TULP4: variants seen among roughly 807,000 people sequenced by gnomAD.
TULP4 encodes TUB like protein 4, also known as tubby-related protein 4.
TULP4 carries 16 observed loss-of-function variants against 129.0 expected under a neutral mutation model. The observed-to-expected ratio is 0.12, with a 90% CI of 0.08 to 0.19. TULP4 has a LOEUF of 0.19. TULP4 is among the 10% of genes least tolerant of loss of function. TULP4 has a pLI of 1.00. For synonymous variants in TULP4, 998 were observed against 854.0 expected, an observed-to-expected ratio of 1.17 and a Z score of -2.94; for missense variants, 1,842 against 2,059.1, an observed-to-expected ratio of 0.89 and a Z score of 2.04.
At chr6:158,321,542 C>T (rs1539311) in intron 1 of TULP4, among the ~76,000 whole-genome samples, 130,937 of 152,082 alleles carry the variant, frequency 0.86, 56,801 homozygotes, top group South Asian at 0.93. Context: ...CCCCCCGCCC[C>T]TTGAACCTCA....
intron 3 of TULP4, among the ~76,000 whole-genome samples, chr6:158,439,923 G>A (rs1778847899): frequency 6.6e-6 from 1 of 151,462 alleles, no homozygotes; most frequent in South Asian, 2.1e-4. Context: ...GTGTTAGCCA[G>A]GATGGTCTCG....
intron 1 of TULP4, among the ~76,000 whole-genome samples, chr6:158,407,644 A>T (rs1777999832): frequency 6.6e-6 from 1 of 152,248 alleles, no homozygotes; most frequent in Admixed American, 6.5e-5. Context: ...ATGGAATGTT[A>T]CTGGGCTATA....
Position 158,301,690 on chromosome 6 carries a change from C to T in TULP4, n.117-10361C>T, listed in dbSNP as rs183246119. The stretch of plus-strand genomic sequence containing the variant: ...AGCCCAGTAGGGGAGTGCAATGAAG[C>T]GAAAACCAGAAGCTGAAAAGGCTGA... On this transcript the variant is annotated intron_variant and non_coding_transcript_variant, in intron 1 of 1. Coordinates refer to the TULP4 transcript ENST00000432358. Among the ~76,000 whole-genome samples, 37 of 152,190 alleles carry T rather than the reference C, an allele frequency of 2.4e-4. 1 individual carries two copies. Among genetic ancestry groups the T allele is most frequent in the Admixed American group, 8.5e-4 (13 of 15,290 alleles).
At chr6:158,323,426 T>G (rs1330678456) in intron 1 of TULP4, among the ~76,000 whole-genome samples, 1 of 152,240 alleles carries the variant, frequency 6.6e-6, no homozygotes, top group Non-Finnish European at 1.5e-5. Flanking sequence ...GTTCATGACC[T>G]GAGTTAGAGA....
intron 3 of TULP4, among the ~76,000 whole-genome samples, chr6:158,444,246 AT>A (rs1554291963): frequency 1.1e-3 from 93 of 86,754 alleles, no homozygotes; most frequent in African/African-American, 1.8e-3. Context: ...AAAAAAAAAA[AT>A]TTTTTTTTTT....
At chr6:158,471,186 C>A (rs910329594) in intron 6 of TULP4, among the ~76,000 whole-genome samples, 15 of 149,458 alleles carry the variant, frequency 1.0e-4, no homozygotes, top group African/African-American at 3.3e-4. Context: ...CACACACACA[C>A]TACAGGACAA....
In TULP4 at chr6:158,502,527, C is replaced by G; in HGVS notation, c.2864C>G (p.Thr955Ser). The G allele has an allele frequency of 6.2e-7, 1 of 1,611,360 alleles. No homozygotes were observed. The highest frequency in any genetic ancestry group is 8.5e-7 in the Non-Finnish European group (1 of 1,179,924). Reference protein sequence around the residue: ...RLTVPRYSIPTGDPPPYPEIA... With the variant: ...RLTVPRYSIPSGDPPPYPEIA... The stretch of plus-strand genomic sequence containing the variant: ...ACCGTCCCTCGCTACTCCATCCCCA[C>G]CGGGGACCCACCCCCGTATCCTGAA... The change falls in exon 13 of 14, where the codon ACC becomes AGC. Residue 955 changes from threonine (T) to serine (S), a missense_variant. Coordinates refer to ENST00000367097, the MANE Select transcript of TULP4 (RefSeq NM_020245.5).
At chr6:158,448,737 T>C (rs559880705) in intron 3 of TULP4, among the ~76,000 whole-genome samples, 1 of 152,318 alleles carries the variant, frequency 6.6e-6, no homozygotes, top group South Asian at 2.1e-4. Context: ...ATTTTGCTGG[T>C]ATTATTTGAA....
chr6:158,376,435 C>G (rs1216434607), intron 1 of TULP4, among the ~76,000 whole-genome samples: 2 of 152,160 alleles, frequency 1.3e-5, no homozygotes, highest in East Asian at 3.8e-4. Flanking sequence ...ATCCCCGGCT[C>G]CAAAGGCATA....
At chr6:158,446,698 T>G (rs1417787627) in intron 3 of TULP4, among the ~76,000 whole-genome samples, 2 of 151,934 alleles carry the variant, frequency 1.3e-5, no homozygotes, top group African/African-American at 4.8e-5. Context: ...AGACATTGAG[T>G]TCTCACAATT....
At chr6:158,336,305 A>G (rs191462298) in intron 1 of TULP4, among the ~76,000 whole-genome samples, 182 of 152,302 alleles carry the variant, frequency 1.2e-3, no homozygotes, top group African/African-American at 4.3e-3. Flanking sequence ...TAAAATGTCT[A>G]TGTATATTGG....
intron 1 of TULP4, among the ~76,000 whole-genome samples, chr6:158,314,945 A>C (rs1313965712): frequency 6.6e-6 from 1 of 152,206 alleles, no homozygotes; most frequent in East Asian, 1.9e-4. Context: ...GCAATACTTA[A>C]GTGTTAGGCA....
At chr6:158,338,116 A>G (rs1202897319) in intron 1 of TULP4, among the ~76,000 whole-genome samples, 1 of 152,164 alleles carries the variant, frequency 6.6e-6, no homozygotes, top group African/African-American at 2.4e-5. Flanking sequence ...TGATGGAAGC[A>G]TTTCCATACA....
At chr6:158,233,474 G>A (rs546083303) in intron 1 of TULP4, among the ~76,000 whole-genome samples, 14 of 152,328 alleles carry the variant, frequency 9.2e-5, no homozygotes, top group Admixed American at 2.6e-4. Flanking sequence ...CCGTGTCTGG[G>A]TTCTCCATTT....
At chr6:158,474,245 C>A (rs921849303) in intron 6 of TULP4, among the ~76,000 whole-genome samples, 3 of 152,152 alleles carry the variant, frequency 2.0e-5, no homozygotes, top group Admixed American at 1.3e-4. Flanking sequence ...ACAGAAAGAA[C>A]AAACAAAGGG....
intron 3 of TULP4, among the ~76,000 whole-genome samples, chr6:158,444,810 T>C (rs1449282688): frequency 6.6e-5 from 10 of 152,172 alleles, no homozygotes; most frequent in African/African-American, 2.4e-4. Context: ...ATTATTGCAT[T>C]GCTTTGTGTG....
chr6:158,314,826 GTATAT>G (rs1779452080), intron 1 of TULP4, among the ~76,000 whole-genome samples: 1 of 152,190 alleles, frequency 6.6e-6, no homozygotes, highest in Admixed American at 6.5e-5. Context: ...CATGTATAGG[GTATAT>G]TATATTGAGG....
chr6:158,346,626 C>T (rs1362386489), intron 1 of TULP4, among the ~76,000 whole-genome samples: 2 of 152,142 alleles, frequency 1.3e-5, no homozygotes, highest in Non-Finnish European at 2.9e-5. Context: ...GCATCTGTAA[C>T]TTTATACTTG....
chr6:158,317,478 C>T (rs535246944), intron 1 of TULP4, among the ~76,000 whole-genome samples: 154 of 126,578 alleles, frequency 1.2e-3, no homozygotes, highest in African/African-American at 4.2e-3. Flanking sequence ...CATTCATGTC[C>T]CTGCAAAGGA....
Sources: allele counts gnomAD v4.1 joint callset (sites outside exome capture counted in the v4.1 genomes callset), GRCh38; gene constraint gnomAD v4.1.1; transcripts MANE v1.5; gene names NCBI Gene and HGNC (gene_info 2026-07-23, HGNC 2026-07-21).